The following FSTL4 variants were observed in gnomAD, a reference collection of about 807,000 sequenced individuals.
The protein encoded by FSTL4 is follistatin-related protein 4.
FSTL4 carries 28 observed loss-of-function variants against 78.2 expected under a neutral mutation model. That is an observed-to-expected ratio of 0.36 (90% CI 0.27 to 0.49). The LOEUF (loss-of-function observed/expected upper bound fraction) is 0.49, where lower values mean the gene tolerates loss of function less well. Ranked by LOEUF, FSTL4 falls within the 20% of genes least tolerant of loss-of-function variation. FSTL4 has a pLI of 0.98. For missense variants in FSTL4, 922 were observed against 1,084.9 expected (o/e 0.85, Z 2.11); for synonymous variants, 422 against 440.5 (o/e 0.96, Z 0.53).
chr5:133,355,708 C>T (rs1401671038), intron 4 of FSTL4, among the ~76,000 whole-genome samples: 3 of 152,090 alleles, frequency 2.0e-5, no homozygotes, highest in Admixed American at 2.0e-4. Flanking sequence ...CACAACAATG[C>T]CTAGTTTTGT....
At chr5:133,377,741 T>C (rs1318294825) in intron 4 of FSTL4, among the ~76,000 whole-genome samples, 1 of 152,130 alleles carries the variant, frequency 6.6e-6, no homozygotes, top group Non-Finnish European at 1.5e-5. Flanking sequence ...ATTTGAAGGA[T>C]TAATGGCTAA....
At chr5:133,517,817 A>G (rs1758895640) in intron 3 of FSTL4, among the ~76,000 whole-genome samples, 1 of 152,070 alleles carries the variant, frequency 6.6e-6, no homozygotes, top group Non-Finnish European at 1.5e-5. Context: ...CCCAGAAAAG[A>G]GCTGATGTTA....
intron 3 of FSTL4, among the ~76,000 whole-genome samples, chr5:133,546,726 G>T (rs1759582308): frequency 2.0e-5 from 3 of 152,038 alleles, no homozygotes; most frequent in African/African-American, 7.2e-5. Flanking sequence ...CAGGAAATGA[G>T]CCCAGGGCAC....
intron 2 of FSTL4, among the ~76,000 whole-genome samples, chr5:133,580,700 T>C (rs1372558914): frequency 2.6e-5 from 4 of 152,192 alleles, no homozygotes; most frequent in Admixed American, 6.5e-5. Flanking sequence ...GTTTGTCTGC[T>C]CAGGACTGTT....
rs1580821832 is a variant in FSTL4, at chr5:133,611,217, C to T, written c.-11+1108G>A. ...TCTCGAGCCGCGACACCGACCTCGC[C>T]GGGCCCGCCCCGCTGACCCGCGCAC... On this transcript the variant is annotated intron_variant, in intron 1 of 15. Transcript: ENST00000265342. The surrounding 1 kb of genome is among the most constrained non-coding windows in gnomAD (Gnocchi z 4.9). Among the ~76,000 whole-genome samples, 1 of 152,088 alleles carries T rather than the reference C, an allele frequency of 6.6e-6. No homozygotes were observed. Among genetic ancestry groups the T allele is most frequent in the Non-Finnish European group, 1.5e-5 (1 of 67,986 alleles).
intron 3 of FSTL4, among the ~76,000 whole-genome samples, chr5:133,451,174 C>T (rs776059500): frequency 6.6e-6 from 1 of 152,180 alleles, no homozygotes; most frequent in Non-Finnish European, 1.5e-5. Context: ...AGGGTCTGCA[C>T]ACATTGATTT....
rs5871493 is a variant in FSTL4 at position 133,463,840 on chromosome 5, AC to A, written c.161-62855del. Among the ~76,000 whole-genome samples the A allele has an allele frequency of 9.6e-3, 1,469 of 152,332 alleles. 18 individuals are homozygous for A. The highest frequency in any genetic ancestry group is 0.033 in the African/African-American group (1,388 of 41,566). Reference sequence around the variant, plus strand: ...CAATTACTAAATGAAGGTGCTGAGCACCTGAAGGCAGGCTGGAGAATAGGAA... The same window carrying A: ...CAATTACTAAATGAAGGTGCTGAGCACTGAAGGCAGGCTGGAGAATAGGAA... On this transcript the variant is annotated intron_variant, in intron 3 of 15. Coordinates refer to ENST00000265342, the MANE Select transcript of FSTL4 (RefSeq NM_015082.2).
At chr5:133,353,211 T>A (rs1409098518) in intron 4 of FSTL4, among the ~76,000 whole-genome samples, 1 of 152,230 alleles carries the variant, frequency 6.6e-6, no homozygotes, top group African/African-American at 2.4e-5. Flanking sequence ...ACCCCTTCAA[T>A]AAAGACAGAT....
the FSTL4 span, among the ~76,000 whole-genome samples, chr5:133,702,932 G>C: frequency 6.6e-6 from 1 of 152,182 alleles, no homozygotes; most frequent in Non-Finnish European, 1.5e-5. Flanking sequence ...TCCCTACATG[G>C]GGACAGAAGT....
chr5:133,491,265 G>A (rs757361727), intron 3 of FSTL4, among the ~76,000 whole-genome samples: 8 of 152,140 alleles, frequency 5.3e-5, no homozygotes, highest in Non-Finnish European at 1.5e-5. Context: ...TTTAGGAGCT[G>A]TGTTAAGTGC....
At chr5:133,322,082 A>G (rs1342292885) in intron 4 of FSTL4, among the ~76,000 whole-genome samples, 1 of 152,050 alleles carries the variant, frequency 6.6e-6, no homozygotes, top group African/African-American at 2.4e-5. Context: ...AGGTTTGGAG[A>G]ATTTCAGGGA....
At chr5:133,583,322 C>T (rs1357245742) in intron 2 of FSTL4, 3 of 408,430 alleles carry the variant, frequency 7.3e-6, no homozygotes, top group African/African-American at 2.1e-5. Flanking sequence ...GGAACAGCTC[C>T]GGTCTACAGC....
intron 6 of FSTL4, among the ~76,000 whole-genome samples, chr5:133,255,205 A>G (rs1752355052): frequency 6.6e-6 from 1 of 152,146 alleles, no homozygotes; most frequent in South Asian, 2.1e-4. Flanking sequence ...TGGGGTGAGA[A>G]TGTGTCTACA....
At chr5:133,346,611 C>CT (rs1394195047) in intron 4 of FSTL4, among the ~76,000 whole-genome samples, 1 of 152,002 alleles carries the variant, frequency 6.6e-6, no homozygotes, top group African/African-American at 2.4e-5. Flanking sequence ...AACTGTGGGT[C>CT]TTTTTTCATT....
intron 2 of FSTL4, among the ~76,000 whole-genome samples, chr5:133,592,147 G>C (rs1760641791): frequency 6.6e-6 from 1 of 151,956 alleles, no homozygotes; most frequent in South Asian, 2.1e-4. Flanking sequence ...CTGCCTCCAA[G>C]AGGTCCTTCC....
chr5:133,540,094 A>G (rs949312812), intron 3 of FSTL4, among the ~76,000 whole-genome samples: 1 of 152,268 alleles, frequency 6.6e-6, no homozygotes, highest in Non-Finnish European at 1.5e-5. Context: ...GCAAGAAGGA[A>G]TTCTGCTAGC....
At position 133,220,349 on chromosome 5, in the gene FSTL4, C is replaced by T. The variant is rs183999154; in HGVS notation, c.1458+399G>A. On this transcript the variant is annotated intron_variant, in intron 12 of 15. Transcript: ENST00000265342. The stretch of plus-strand genomic sequence containing the variant: ...GGAAGGGCTTTCCTGGATCCTCTAT[C>T]AGCAATCATGCTCCTGCCTCTGCCC... 6.6e-3 allele frequency among the ~76,000 whole-genome samples: 1,000 copies of T among 152,380 alleles called. 5 individuals carry two copies. Among genetic ancestry groups the T allele is most frequent in the Non-Finnish European group, 0.012 (796 of 68,036 alleles).
At chr5:133,526,997 C>A (rs1001107711) in intron 3 of FSTL4, among the ~76,000 whole-genome samples, 1 of 152,150 alleles carries the variant, frequency 6.6e-6, no homozygotes, top group African/African-American at 2.4e-5. Flanking sequence ...TAAGTCCACA[C>A]AGCCACAATC....
chr5:133,610,223 A>T (rs866240167), intron 1 of FSTL4, among the ~76,000 whole-genome samples: 1 of 152,224 alleles, frequency 6.6e-6, no homozygotes, highest in South Asian at 2.1e-4. Flanking sequence ...GCACAGCCGA[A>T]AGGATAAAAG....
Sources: gnomAD v4.1 joint callset for allele counts (sites outside exome capture counted in the v4.1 genomes callset) on GRCh38, gnomAD v4.1.1 for gene constraint, Gnocchi (gnomAD v3.1) non-coding constraint, MANE v1.5 for transcripts, NCBI Gene and HGNC (gene_info 2026-07-23, HGNC 2026-07-21) for gene names.